RAPGEF1: variants seen among roughly 807,000 people sequenced by gnomAD.
RAPGEF1 encodes the protein Rap guanine nucleotide exchange factor 1, also known as CRK SH3-binding GNRP.
RAPGEF1 carries 33 observed loss-of-function variants against 143.3 expected under a neutral mutation model. That is an observed-to-expected ratio of 0.23 (90% CI 0.17 to 0.31). The LOEUF (loss-of-function observed/expected upper bound fraction) is 0.31, where lower values mean the gene tolerates loss of function less well. RAPGEF1 is among the 10% of genes least tolerant of loss of function. RAPGEF1 has a pLI of 1.00. For missense variants in RAPGEF1, 1,199 were observed against 1,645.4 expected (o/e 0.73, Z 4.69); for synonymous variants, 629 against 676.5 (o/e 0.93, Z 1.09).
intron 11 of RAPGEF1, among the ~76,000 whole-genome samples, chr9:131,620,937 C>T (rs1042159459): frequency 6.6e-6 from 1 of 152,240 alleles, no homozygotes; most frequent in Non-Finnish European, 1.5e-5. Context: ...GGCCAGCACA[C>T]GAGAGCAGCA....
intron 5 of RAPGEF1, among the ~76,000 whole-genome samples, chr9:131,631,694 C>G (rs1435000325): frequency 6.6e-6 from 1 of 152,150 alleles, no homozygotes. Context: ...GCACCACACA[C>G]AAAAAAGGCA....
chr9:131,650,019 A>G lies in RAPGEF1; in HGVS notation c.315+110T>C, dbSNP rs1442448839. On this transcript the variant is annotated intron_variant, in intron 3 of 26. Coordinates refer to ENST00000683357, the MANE Select transcript of RAPGEF1 (RefSeq NM_001377935.1). The surrounding 1 kb of genome is among the most constrained non-coding windows in gnomAD (Gnocchi z 4.7). ...ACAATTCAGCCCACGGTCACCACCC[A>G]GTTGAACATAATAATAGTGCAATAG... 4 of 839,796 alleles carry G rather than the reference A, an allele frequency of 4.8e-6. No individual in the cohort carries two copies. The highest frequency in any genetic ancestry group is 7.4e-6 in the Non-Finnish European group (4 of 541,182). 52.0% of individuals were successfully genotyped at this position (839,796 alleles called of 1,614,324 possible). A position where few individuals can be genotyped will look rare whatever the true frequency, so the allele number is the denominator to read the frequency against.
At chr9:131,723,023 G>T (rs531449812) in intron 1 of RAPGEF1, among the ~76,000 whole-genome samples, 3 of 152,084 alleles carry the variant, frequency 2.0e-5, no homozygotes, top group Admixed American at 1.3e-4. Flanking sequence ...GTGAAACCCT[G>T]TCTCTACTAA....
intron 26 of RAPGEF1, 83 bp downstream of exon 26, chr9:131,580,180 C>T (rs1220022311): frequency 6.4e-7 from 1 of 1,550,752 alleles, no homozygotes; most frequent in Non-Finnish European, 8.8e-7. Context: ...GGCTCCCCCT[C>T]CCCTCGGTGT....
intron 1 of RAPGEF1, among the ~76,000 whole-genome samples, chr9:131,703,404 A>T (rs1017079010): frequency 1.3e-5 from 2 of 152,192 alleles, no homozygotes; most frequent in African/African-American, 2.4e-5. Context: ...TTTCAACCAA[A>T]ATTAAATGTA....
intron 6 of RAPGEF1, among the ~76,000 whole-genome samples, chr9:131,629,606 G>GA (rs1168692887): frequency 6.6e-6 from 1 of 152,018 alleles, no homozygotes; most frequent in Admixed American, 6.6e-5. Context: ...GCTTGGCCAA[G>GA]ATGGTGAAAC....
chr9:131,700,790 C>T (rs750225749), intron 1 of RAPGEF1, among the ~76,000 whole-genome samples: 1 of 152,144 alleles, frequency 6.6e-6, no homozygotes, highest in Non-Finnish European at 1.5e-5. Context: ...GTGTGTGTGC[C>T]GGAGAAGCCA....
At chr9:131,637,543 G>A (rs1037661151) in intron 5 of RAPGEF1, among the ~76,000 whole-genome samples, 2 of 152,198 alleles carry the variant, frequency 1.3e-5, no homozygotes, top group Non-Finnish European at 2.9e-5. Flanking sequence ...GCCTCGTTGA[G>A]TGGGAAGGAA....
In RAPGEF1 at chr9:131,598,111, T is replaced by G. The variant is rs1208840558; in HGVS notation, c.2613+88A>C. On this transcript the variant is annotated intron_variant, in intron 16 of 26. Coordinates refer to ENST00000683357, the MANE Select transcript of RAPGEF1 (RefSeq NM_001377935.1). ...GTCTCTAAGCCTCCTAGGGTTGTTC[T>G]GCTTATGACAAGATCACATTCTTCT... The G allele has an allele frequency of 8.5e-6, 10 of 1,182,206 alleles. No homozygotes were observed. In the African/African-American group the frequency reaches 1.5e-4, roughly 18 times the overall value. The allele number at this position is 1,182,206 out of a possible 1,614,324, so 73.2% of individuals were successfully genotyped here.
intron 3 of RAPGEF1, among the ~76,000 whole-genome samples, chr9:131,649,122 G>T (rs554619086): frequency 6.7e-6 from 1 of 149,364 alleles, no homozygotes; most frequent in Admixed American, 6.7e-5. Flanking sequence ...AACCTCTGCC[G>T]CCCGGGTTCA....
chr9:131,688,519 G>C (rs1027130979), intron 1 of RAPGEF1, among the ~76,000 whole-genome samples: 1 of 152,166 alleles, frequency 6.6e-6, no homozygotes, highest in East Asian at 1.9e-4. Flanking sequence ...TGGCTACTTT[G>C]AAACTCTGTA....
rs139277886 is a variant in RAPGEF1 at position 131,579,669 on chromosome 9, A to G, written c.3642-22T>C. On this transcript the variant is annotated intron_variant, in intron 26 of 26. Transcript: ENST00000683357. ...GTGCCTGGTGCAGGGGATGGGGAGC[A>G]GTCAGTGAGCACCTGTGTGGGCTGG... 4,346 of 1,611,652 alleles carry G rather than the reference A, an allele frequency of 2.7e-3. 13 individuals carry two copies. The highest frequency in any genetic ancestry group is 3.4e-3 in the Admixed American group (204 of 59,540).
intron 5 of RAPGEF1, among the ~76,000 whole-genome samples, chr9:131,634,455 G>A (rs967739235): frequency 8.5e-5 from 13 of 152,066 alleles, no homozygotes; most frequent in African/African-American, 2.9e-4. Context: ...GTTCACGCCT[G>A]TCATCCCAGC....
At chr9:131,699,588 T>G (rs965362177) in intron 1 of RAPGEF1, among the ~76,000 whole-genome samples, 1 of 152,196 alleles carries the variant, frequency 6.6e-6, no homozygotes, top group Non-Finnish European at 1.5e-5. Context: ...ACTATGTTAC[T>G]GAATGCCAAG....
intron 1 of RAPGEF1, among the ~76,000 whole-genome samples, chr9:131,660,186 C>A (rs905696597): frequency 6.6e-6 from 1 of 152,180 alleles, no homozygotes; most frequent in Non-Finnish European, 1.5e-5. Context: ...ACAACTATTC[C>A]TGTTAAAACA....
At chr9:131,693,763 C>T (rs1424838090) in intron 1 of RAPGEF1, among the ~76,000 whole-genome samples, 4 of 152,066 alleles carry the variant, frequency 2.6e-5, no homozygotes, top group African/African-American at 9.7e-5. Flanking sequence ...CATCCATTCC[C>T]AAGTCCTCTT....
rs372491259 is a variant in RAPGEF1 at position 131,681,253 on chromosome 9, C to T, written c.62-30304G>A. Among the ~76,000 whole-genome samples, 32 of 152,202 alleles carry T rather than the reference C, an allele frequency of 2.1e-4. 1 individual carries two copies. Among genetic ancestry groups the T allele is most frequent in the African/African-American group, 6.3e-4 (26 of 41,506 alleles). On this transcript the variant is annotated intron_variant, in intron 1 of 26. Transcript: ENST00000683357. ...AATGATCCTCCAGATCTTTCTTTTC[C>T]GGAGGACACTGGGCGAAAATTAGTT...
chr9:131,630,332 C>G lies in RAPGEF1; in HGVS notation c.652-8G>C, dbSNP rs1019028543. On this transcript the variant is annotated splice_polypyrimidine_tract_variant and splice_region_variant and intron_variant, in intron 5 of 26. Transcript: ENST00000683357. The stretch of plus-strand genomic sequence containing the variant: ...GGTGAGCCTGACCAGCTCCTACCCC[C>G]ACAAGAAAAAGGCAATGAGCAAAGC... The G allele has an allele frequency of 6.2e-7, 1 of 1,612,838 alleles. No individual in the cohort carries two copies. The highest frequency in any genetic ancestry group is 1.7e-5 in the Admixed American group (1 of 59,944).
intron 15 of RAPGEF1, among the ~76,000 whole-genome samples, chr9:131,599,524 G>A (rs1231887522): frequency 6.6e-6 from 1 of 151,796 alleles, no homozygotes; most frequent in Non-Finnish European, 1.5e-5. Flanking sequence ...CAGGGGGTCT[G>A]GCCTCGTCTA....
Sources: allele counts gnomAD v4.1 joint callset (sites outside exome capture counted in the v4.1 genomes callset), GRCh38; gene constraint gnomAD v4.1.1; non-coding constraint Gnocchi (gnomAD v3.1); transcripts MANE v1.5; gene names NCBI Gene and HGNC (gene_info 2026-07-23, HGNC 2026-07-21).